NTRK3: variants seen among roughly 807,000 people sequenced by gnomAD.
NTRK3 encodes the protein neurotrophic receptor tyrosine kinase 3.
In NTRK3, 24 loss-of-function variants were observed where a neutral mutation model predicts 91.7. The ratio of observed to expected loss-of-function variants is 0.26; its 90% CI spans 0.19 to 0.37. The LOEUF (loss-of-function observed/expected upper bound fraction) is 0.37. Ranked by LOEUF, NTRK3 falls within the 10% of genes least tolerant of loss-of-function variation. NTRK3 has a pLI of 1.00. For synonymous variants in NTRK3, 483 were observed against 404.0 expected (o/e 1.20, Z -2.34); for missense variants, 880 against 1,068.9 (o/e 0.82, Z 2.46).
At chr15:88,048,595 G>T (rs1223978252) in intron 13 of NTRK3, among the ~76,000 whole-genome samples, 2 of 152,122 alleles carry the variant, frequency 1.3e-5, no homozygotes, top group Non-Finnish European at 2.9e-5. Flanking sequence ...TTAACAAAGG[G>T]TTCCAACACA....
chr15:88,033,119 C>T (rs2078703046), intron 13 of NTRK3, 74 bp from the exon 14 acceptor site: 1 of 1,366,564 alleles, frequency 7.3e-7, no homozygotes, highest in East Asian at 2.5e-5. Flanking sequence ...CCACAGACAA[C>T]CCCCAACTAC....
chr15:87,977,024 G>A (rs1048602884), intron 14 of NTRK3, among the ~76,000 whole-genome samples: 2 of 152,132 alleles, frequency 1.3e-5, no homozygotes, highest in Admixed American at 1.3e-4. Flanking sequence ...AAGGAGTGAG[G>A]GTCTCAGTGG....
At chr15:87,885,573 A>G in intron 17 of NTRK3, 121 bp downstream of exon 18, 1 of 499,996 alleles carries the variant, frequency 2.0e-6, no homozygotes, top group Non-Finnish European at 3.5e-6. Flanking sequence ...GGAACAAACT[A>G]GAGAGTCCAG....
At chr15:87,956,466 G>T (rs1034921111) in intron 14 of NTRK3, among the ~76,000 whole-genome samples, 1 of 152,236 alleles carries the variant, frequency 6.6e-6, no homozygotes, top group African/African-American at 2.4e-5. Flanking sequence ...TAGAGACGGG[G>T]TTTTGCCATG....
chr15:88,254,660 G>C (rs1384444630), intron 3 of NTRK3, among the ~76,000 whole-genome samples: 1 of 152,188 alleles, frequency 6.6e-6, no homozygotes, highest in African/African-American at 2.4e-5. Flanking sequence ...TGCTCCCAGA[G>C]CAGCACCAAA....
At chr15:88,096,672 T>G (rs1158853773) in intron 13 of NTRK3, among the ~76,000 whole-genome samples, 1 of 152,180 alleles carries the variant, frequency 6.6e-6, no homozygotes, top group Non-Finnish European at 1.5e-5. Flanking sequence ...AACTAATTAA[T>G]GGAGGACAGG....
At chr15:88,151,562 A>G (rs558554528) in intron 5 of NTRK3, among the ~76,000 whole-genome samples, 21 of 152,196 alleles carry the variant, frequency 1.4e-4, no homozygotes, top group Non-Finnish European at 2.1e-4. Flanking sequence ...GGAGGATTTC[A>G]TCTTCTACCC....
chr15:88,188,451 T>G (rs1480743749), intron 3 of NTRK3, among the ~76,000 whole-genome samples: 1 of 152,150 alleles, frequency 6.6e-6, no homozygotes, highest in African/African-American at 2.4e-5. Flanking sequence ...CATCCTGCAA[T>G]GCACAGGACA....
intron 5 of NTRK3, among the ~76,000 whole-genome samples, chr15:88,180,889 G>A (rs968442196): frequency 1.3e-5 from 2 of 152,148 alleles, no homozygotes; most frequent in African/African-American, 4.8e-5. Flanking sequence ...ACTCAATTGG[G>A]AATTTGGTGT....
chr15:88,158,733 C>T (rs541057058), intron 5 of NTRK3, among the ~76,000 whole-genome samples: 2 of 152,306 alleles, frequency 1.3e-5, no homozygotes, highest in Non-Finnish European at 2.9e-5. Flanking sequence ...CAGGTGGGCG[C>T]TGCCAGGCAG....
chr15:87,880,119 A>G lies in NTRK3; in HGVS notation c.2292+151T>C, dbSNP rs778228123. 7.7e-6 allele frequency: 7 copies of G among 915,004 alleles called. No homozygotes were observed. In the African/African-American group the frequency reaches 8.4e-5, roughly 11 times the overall value. The allele number at this position is 915,004 out of a possible 1,614,324, so 56.7% of individuals were successfully genotyped here. On this transcript the variant is annotated intron_variant, in intron 18 of 18. Coordinates refer to ENST00000394480, the Ensembl canonical transcript of NTRK3. ...CCTACAGTTCCATTTTTTTTTTCCTACTAAGAAGCTCTCTGCTCCCACTAA... is the reference window on the plus strand; with the variant it reads ...CCTACAGTTCCATTTTTTTTTTCCTGCTAAGAAGCTCTCTGCTCCCACTAA...
intron 17 of NTRK3, among the ~76,000 whole-genome samples, chr15:87,900,885 G>C (rs1431845601): frequency 6.6e-6 from 1 of 152,108 alleles, no homozygotes; most frequent in East Asian, 1.9e-4. Context: ...TTGACCTTTA[G>C]GGATCATCCA....
chr15:88,185,584 C>T (rs2046877892), intron 3 of NTRK3, among the ~76,000 whole-genome samples: 2 of 152,168 alleles, frequency 1.3e-5, no homozygotes, highest in African/African-American at 2.4e-5. Context: ...CTGCCCACCC[C>T]ATCCTCCCAG....
intron 14 of NTRK3, among the ~76,000 whole-genome samples, chr15:88,027,660 G>A (rs2078157503): frequency 6.6e-6 from 1 of 152,216 alleles, no homozygotes; most frequent in African/African-American, 2.4e-5. Flanking sequence ...GGGATTACAG[G>A]CGTGAGCCAC....
intron 9 of NTRK3, 135 bp downstream of exon 9, chr15:88,135,764 C>T: frequency 1.6e-6 from 2 of 1,215,102 alleles, no homozygotes. Context: ...TCCTGCCCTA[C>T]AAGAGTCCTT....
intron 13 of NTRK3, among the ~76,000 whole-genome samples, chr15:88,107,748 G>A (rs1162912196): frequency 6.6e-6 from 1 of 152,088 alleles, no homozygotes; most frequent in Admixed American, 6.5e-5. Flanking sequence ...ATCCTCTGCA[G>A]GGAATAGCAA....
chr15:87,929,016 A>T (rs1159543560), intron 17 of NTRK3, 175 bp downstream of exon 17: 1 of 811,986 alleles, frequency 1.2e-6, no homozygotes, highest in Non-Finnish European at 2.0e-6. Context: ...TGAGAACATA[A>T]TAAACAGGTA....
intron 14 of NTRK3, among the ~76,000 whole-genome samples, chr15:88,030,422 C>G (rs1030819054): frequency 6.6e-6 from 1 of 152,154 alleles, no homozygotes; most frequent in African/African-American, 2.4e-5. Context: ...GACACTTATT[C>G]TGAAGGCCCA....
At chr15:88,254,185 C>T (rs1567725455) in intron 3 of NTRK3, among the ~76,000 whole-genome samples, 1 of 152,142 alleles carries the variant, frequency 6.6e-6, no homozygotes, top group East Asian at 1.9e-4. Context: ...CCTTCACCAG[C>T]ACCCTACTAC....
Sources: allele counts gnomAD v4.1 joint callset (sites outside exome capture counted in the v4.1 genomes callset), GRCh38; gene constraint gnomAD v4.1.1; transcripts MANE v1.5; gene names NCBI Gene and HGNC (gene_info 2026-07-23, HGNC 2026-07-21).